JPH3: variants seen among roughly 807,000 people sequenced by gnomAD.
The protein encoded by JPH3 is junctophilin-3.
In JPH3, 11 loss-of-function variants were observed where a neutral mutation model predicts 59.6. The observed-to-expected ratio is 0.18, with a 90% CI of 0.12 to 0.31. The LOEUF (loss-of-function observed/expected upper bound fraction) is 0.31, where lower values mean the gene tolerates loss of function less well. Ranked by LOEUF, JPH3 falls within the 10% of genes least tolerant of loss-of-function variation. The pLI, the probability that JPH3 is intolerant of heterozygous loss-of-function variation, is 1.00. For missense variants in JPH3, 1,202 were observed against 1,105.7 expected (o/e 1.09, Z -1.24); for synonymous variants, 673 against 483.6 (o/e 1.39, Z -5.14).
chr16:87,677,497 C>T (rs186579635), intron 2 of JPH3, among the ~76,000 whole-genome samples: 3 of 152,346 alleles, frequency 2.0e-5, no homozygotes, highest in African/African-American at 4.8e-5. Context: ...GTGCTGTCTG[C>T]ACCTCATCCC....
At chr16:87,652,986 T>C (rs866803062) in intron 2 of JPH3, among the ~76,000 whole-genome samples, 55 of 152,236 alleles carry the variant, frequency 3.6e-4, no homozygotes, top group Middle Eastern at 6.8e-3. Context: ...CCTGCGGGCA[T>C]AGCAGGAAGT....
intron 1 of JPH3, chr16:87,604,938 G>C (rs1311876399): frequency 2.2e-6 from 1 of 452,924 alleles, no homozygotes; most frequent in Admixed American, 2.4e-5. Flanking sequence ...CTGAGGGCCG[G>C]GCGGGAGCAG....
intron 3 of JPH3, among the ~76,000 whole-genome samples, chr16:87,685,710 C>T (rs1005842598): frequency 7.9e-5 from 12 of 152,266 alleles, no homozygotes; most frequent in Admixed American, 7.8e-4. Flanking sequence ...CGTACCAACC[C>T]TGGCCCATGG....
intron 4 of JPH3, among the ~76,000 whole-genome samples, chr16:87,693,047 G>A (rs1296223802): frequency 6.6e-5 from 10 of 152,230 alleles, no homozygotes; most frequent in Admixed American, 4.6e-4. Flanking sequence ...AGGCTGGCCC[G>A]GCCCAACCAA....
chr16:87,657,115 C>T (rs548417135), intron 2 of JPH3, among the ~76,000 whole-genome samples: 15 of 152,134 alleles, frequency 9.9e-5, no homozygotes, highest in Middle Eastern at 3.2e-3. Context: ...GCCTGGAGCA[C>T]CTGGTGTGTT....
intron 2 of JPH3, 85 bp from the exon 3 acceptor site, chr16:87,684,057 T>A: frequency 1.0e-6 from 1 of 962,688 alleles, no homozygotes. Context: ...CAGCCCGTTG[T>A]TGGGGGGTTG....
intron 1 of JPH3, among the ~76,000 whole-genome samples, chr16:87,642,784 C>T (rs192534965): frequency 6.6e-6 from 1 of 152,226 alleles, no homozygotes; most frequent in Non-Finnish European, 1.5e-5. Flanking sequence ...ACTCTACAGA[C>T]GAGGACACTG....
chr16:87,685,176 C>T (rs1049154335), intron 3 of JPH3, among the ~76,000 whole-genome samples: 5 of 152,210 alleles, frequency 3.3e-5, no homozygotes, highest in African/African-American at 1.2e-4. Flanking sequence ...GAACGCGAGA[C>T]CACATCATCT....
intron 1 of JPH3, among the ~76,000 whole-genome samples, chr16:87,622,743 C>CA (rs933588380): frequency 6.6e-6 from 1 of 151,940 alleles, no homozygotes; most frequent in Non-Finnish European, 1.5e-5. Context: ...ATCAGACCCC[C>CA]CCCCGCCCCA....
At chr16:87,604,228 C>T (rs2030396856) in intron 1 of JPH3, 1 of 1,442,864 alleles carries the variant, frequency 6.9e-7, no homozygotes, top group Admixed American at 2.1e-5. Context: ...CGATCTGTGC[C>T]TTCATTCTAA....
intron 2 of JPH3, among the ~76,000 whole-genome samples, chr16:87,663,262 C>A (rs988804054): frequency 1.3e-5 from 2 of 152,116 alleles, no homozygotes; most frequent in Admixed American, 6.5e-5. Context: ...GCCTGTGCCA[C>A]GTGTCCAGCT....
At chr16:87,692,583 A>G (rs368850912) in intron 4 of JPH3, among the ~76,000 whole-genome samples, 6 of 113,224 alleles carry the variant, frequency 5.3e-5, no homozygotes, top group African/African-American at 7.6e-5. Flanking sequence ...CTGGGATTCT[A>G]GCCCACATAG....
chr16:87,652,575 T>C (rs1165711106), intron 2 of JPH3, among the ~76,000 whole-genome samples: 1 of 152,268 alleles, frequency 6.6e-6, no homozygotes, highest in Non-Finnish European at 1.5e-5. Flanking sequence ...GTGATCCTCC[T>C]GCTTCCGCCT....
chr16:87,634,412 C>G (rs1236824979), intron 1 of JPH3, among the ~76,000 whole-genome samples: 2 of 152,214 alleles, frequency 1.3e-5, no homozygotes, highest in Non-Finnish European at 2.9e-5. Context: ...AATGGGGAGG[C>G]CATCGGAAGC....
chr16:87,696,750 C>G lies in JPH3; in HGVS notation c.*90C>G, dbSNP rs2033877251. 1 of 1,037,212 alleles carries G rather than the reference C, an allele frequency of 9.6e-7. No individual in the cohort carries two copies. The highest frequency in any genetic ancestry group is 1.6e-5 in the African/African-American group (1 of 63,732). The allele number at this position is 1,037,212 out of a possible 1,614,324, so 64.3% of individuals were successfully genotyped here. ...AACCACAAGAAGGGAAAGACCGCAA[C>G]TCGGACAGCCCAGCGACTTCCAAGT... is the stretch of plus-strand genomic sequence containing the variant. On this transcript the variant is annotated 3_prime_UTR_variant, in exon 5 of 5. Coordinates refer to ENST00000284262, the MANE Select transcript of JPH3 (RefSeq NM_020655.4).
intron 1 of JPH3, among the ~76,000 whole-genome samples, chr16:87,637,254 A>T (rs557834321): frequency 6.6e-6 from 1 of 152,256 alleles, no homozygotes; most frequent in East Asian, 1.9e-4. Flanking sequence ...TAGCACATTC[A>T]CGGGGTTCTG....
chr16:87,654,232 C>G (rs1382203088), intron 2 of JPH3: 1 of 152,250 alleles, frequency 6.6e-6, no homozygotes, highest in Admixed American at 6.5e-5. Flanking sequence ...CCTCAAGACT[C>G]AGTTCAGATG....
intron 2 of JPH3, among the ~76,000 whole-genome samples, chr16:87,657,167 G>A (rs1434877153): frequency 6.6e-6 from 1 of 152,208 alleles, no homozygotes; most frequent in Non-Finnish European, 1.5e-5. Context: ...GCCTGTGGGT[G>A]AGCCCTGCTT....
intron 2 of JPH3, among the ~76,000 whole-genome samples, chr16:87,665,222 C>T (rs1024719814): frequency 4.6e-5 from 7 of 152,192 alleles, no homozygotes; most frequent in Admixed American, 2.0e-4. Flanking sequence ...TTTTCCCATC[C>T]GGGACCCCTG....
Sources: gnomAD v4.1 joint callset for allele counts (sites outside exome capture counted in the v4.1 genomes callset) on GRCh38, gnomAD v4.1.1 for gene constraint, MANE v1.5 for transcripts, NCBI Gene and HGNC (gene_info 2026-07-23, HGNC 2026-07-21) for gene names.